GAREM1: variants seen among roughly 807,000 people sequenced by gnomAD.
The protein encoded by GAREM1 is GRB2-associated and regulator of MAPK protein 1.
GAREM1 carries 26 observed loss-of-function variants against 71.3 expected under a neutral mutation model. The ratio of observed to expected loss-of-function variants is 0.36; its 90% CI spans 0.27 to 0.51. The LOEUF (loss-of-function observed/expected upper bound fraction) is 0.51. Among genes scored for constraint, GAREM1 ranks in the 20% least tolerant of loss-of-function variants. The pLI is 0.95. For missense variants in GAREM1, 1,026 were observed against 1,103.1 expected, an observed-to-expected ratio of 0.93 and a Z score of 0.99; for synonymous variants, 440 against 433.2, an observed-to-expected ratio of 1.02 and a Z score of -0.20.
At chr18:32,307,416 T>A (rs1329964674) in intron 3 of GAREM1, among the ~76,000 whole-genome samples, 2 of 152,124 alleles carry the variant, frequency 1.3e-5, no homozygotes, top group African/African-American at 4.8e-5. Flanking sequence ...GAGTAAAGAG[T>A]ATTGTTTTTA....
At chr18:32,273,324 T>C (rs8086990) in intron 4 of GAREM1, among the ~76,000 whole-genome samples, 9,859 of 152,212 alleles carry the variant, frequency 0.065, 659 homozygotes, top group African/African-American at 0.16. Flanking sequence ...CAGATGTCAA[T>C]TACAATATGC....
chr18:32,270,418 G>C (rs1347208247), intron 4 of GAREM1, 35 bp from the exon 5 acceptor site: 1 of 1,570,378 alleles, frequency 6.4e-7, no homozygotes, highest in African/African-American at 1.4e-5. Flanking sequence ...GTTAGCAACA[G>C]ACTGACAATG....
chr18:32,411,700 A>C (rs2144684751), intron 1 of GAREM1, among the ~76,000 whole-genome samples: 1 of 151,968 alleles, frequency 6.6e-6, no homozygotes, highest in African/African-American at 2.4e-5. Context: ...AGGTCACAAC[A>C]GTAACTATCA....
chr18:32,371,884 A>G (rs41535045), intron 2 of GAREM1, among the ~76,000 whole-genome samples: 5,308 of 152,250 alleles, frequency 0.035, 143 homozygotes, highest in East Asian at 0.11. Flanking sequence ...GGGCTGGGAA[A>G]TGCCACTAGA....
At chr18:32,456,276 A>G (rs1358995767) in intron 1 of GAREM1, among the ~76,000 whole-genome samples, 2 of 152,168 alleles carry the variant, frequency 1.3e-5, no homozygotes, top group African/African-American at 4.8e-5. Flanking sequence ...AGAAAAACCA[A>G]CAGAAAGTAT....
At chr18:32,295,480 A>AT (rs1178201882) in intron 3 of GAREM1, among the ~76,000 whole-genome samples, 3 of 152,146 alleles carry the variant, frequency 2.0e-5, no homozygotes, top group Admixed American at 6.5e-5. Flanking sequence ...CTAAGCTTGA[A>AT]TTTTTTTCTC....
At chr18:32,378,428 A>G (rs910341189) in intron 2 of GAREM1, among the ~76,000 whole-genome samples, 56 of 144,140 alleles carry the variant, frequency 3.9e-4, no homozygotes, top group Non-Finnish European at 7.0e-4. Context: ...TGAACCTGGG[A>G]GGGGGAGGTT....
intron 2 of GAREM1, among the ~76,000 whole-genome samples, chr18:32,333,716 T>C (rs2047559783): frequency 6.6e-6 from 1 of 152,186 alleles, no homozygotes; most frequent in Admixed American, 6.5e-5. Context: ...TCTCATCCTC[T>C]ACAACATTAG....
intron 1 of GAREM1, among the ~76,000 whole-genome samples, chr18:32,457,618 TCTTTGGTGTGGC>T (rs2048909145): frequency 6.6e-6 from 1 of 152,112 alleles, no homozygotes; most frequent in Admixed American, 6.6e-5. Flanking sequence ...ATTTGAAGCT[TCTTTGGTGTGGC>T]ACTAAAAGAT....
In GAREM1 at chr18:32,420,408, G is replaced by C. The variant is rs375571634; in HGVS notation, c.122-27373C>G. Among the ~76,000 whole-genome samples, 10 of 151,602 alleles carry C rather than the reference G, an allele frequency of 6.6e-5. No individual in the cohort carries two copies. The East Asian group carries it at 7.8e-4, about 12-fold the overall frequency. ...TGGCCACTGATATTGAGGGAAATGG[G>C]CACTATGATTTAAACTCCTACACAT... On this transcript the variant is annotated intron_variant, in intron 1 of 5. Transcript: ENST00000269209.
intron 3 of GAREM1, among the ~76,000 whole-genome samples, chr18:32,309,341 C>T (rs2047289668): frequency 6.7e-6 from 1 of 149,196 alleles, no homozygotes; most frequent in African/African-American, 2.5e-5. Flanking sequence ...CAAGGCCAGA[C>T]ACGGTGGCTC....
intron 2 of GAREM1, among the ~76,000 whole-genome samples, chr18:32,375,667 C>A (rs527246302): frequency 6.6e-6 from 1 of 152,144 alleles, no homozygotes; most frequent in East Asian, 1.9e-4. Context: ...TGATTAAAGG[C>A]AATCAAAGGA....
intron 2 of GAREM1, among the ~76,000 whole-genome samples, chr18:32,382,412 T>C (rs1460407944): frequency 1.3e-5 from 2 of 152,048 alleles, no homozygotes; most frequent in Non-Finnish European, 2.9e-5. Context: ...GTGGTGGCTA[T>C]GAGGTGTGAG....
intron 2 of GAREM1, among the ~76,000 whole-genome samples, chr18:32,340,829 G>C (rs2047640614): frequency 6.6e-6 from 1 of 152,128 alleles, no homozygotes; most frequent in Non-Finnish European, 1.5e-5. Flanking sequence ...AAGGAGTCTA[G>C]TCCTAGAGCC....
intron 1 of GAREM1, among the ~76,000 whole-genome samples, chr18:32,407,144 G>A (rs138271873): frequency 5.9e-5 from 9 of 152,326 alleles, no homozygotes; most frequent in East Asian, 1.9e-4. Context: ...CCATTACTGG[G>A]TGCTGTCATT....
chr18:32,299,347 T>C (rs1036230755), intron 3 of GAREM1, among the ~76,000 whole-genome samples: 31 of 151,894 alleles, frequency 2.0e-4, no homozygotes, highest in Non-Finnish European at 4.0e-4. Context: ...ACCCTGTCTC[T>C]ACTAAAAATA....
intron 2 of GAREM1, among the ~76,000 whole-genome samples, chr18:32,318,149 C>T (rs1314990578): frequency 6.6e-6 from 1 of 152,140 alleles, no homozygotes; most frequent in Non-Finnish European, 1.5e-5. Flanking sequence ...AATTCAACAC[C>T]AATGACATGC....
intron 1 of GAREM1, among the ~76,000 whole-genome samples, chr18:32,434,990 A>T (rs1256824506): frequency 2.6e-5 from 4 of 152,156 alleles, no homozygotes; most frequent in Non-Finnish European, 5.9e-5. Context: ...TCCCTAACAC[A>T]ATGCACCGGG....
At chr18:32,440,008 A>G (rs1419913991) in intron 1 of GAREM1, among the ~76,000 whole-genome samples, 1 of 152,174 alleles carries the variant, frequency 6.6e-6, no homozygotes, top group African/African-American at 2.4e-5. Flanking sequence ...GCACTCTTGC[A>G]CAGTTTCTGC....
Sources: allele counts gnomAD v4.1 joint callset (sites outside exome capture counted in the v4.1 genomes callset), GRCh38; gene constraint gnomAD v4.1.1; transcripts MANE v1.5; gene names NCBI Gene and HGNC (gene_info 2026-07-23, HGNC 2026-07-21).